ANK3: variants seen among roughly 807,000 people sequenced by gnomAD.
ANK3 encodes the protein ankyrin-3.
Under a neutral mutation model 370.9 loss-of-function variants are expected in ANK3, and 57 were observed. That is an observed-to-expected ratio of 0.15 (90% CI 0.12 to 0.19). The LOEUF (loss-of-function observed/expected upper bound fraction) is 0.19, where lower values mean the gene tolerates loss of function less well. Among genes scored for constraint, ANK3 ranks in the 10% least tolerant of loss-of-function variants. The pLI is 1.00. For synonymous variants in ANK3, 1,929 were observed against 1,946.3 expected (o/e 0.99, Z 0.23); for missense variants, 4,439 against 5,302.1 (o/e 0.84, Z 5.06).
At chr10:60,531,667 TAAC>T (rs2076609774) in intron 2 of ANK3, among the ~76,000 whole-genome samples, 1 of 152,014 alleles carries the variant, frequency 6.6e-6, no homozygotes, top group Admixed American at 6.6e-5. Flanking sequence ...ATAAGGAAAA[TAAC>T]AATAAATAGG....
chr10:60,714,606 C>G (rs535127700), intron 1 of ANK3, among the ~76,000 whole-genome samples: 26 of 152,240 alleles, frequency 1.7e-4, no homozygotes, highest in African/African-American at 6.0e-4. Flanking sequence ...GGATTCATCA[C>G]ATCAAAAGGC....
Position 60,389,422 on chromosome 10 carries a change from T to C in ANK3, c.114+3A>G, listed in dbSNP as rs2062891213. Reference sequence around the variant, plus strand: ...AGATATATGCTCTGGCATACATAGATACCTTTTTCTTCCGATCCCGGGACC... The same window carrying C: ...AGATATATGCTCTGGCATACATAGACACCTTTTTCTTCCGATCCCGGGACC... On this transcript the variant is annotated splice_donor_region_variant and intron_variant, in intron 1 of 43. Coordinates refer to ENST00000280772, the MANE Select transcript of ANK3 (RefSeq NM_020987.5). 6.2e-7 allele frequency: 1 copy of C among 1,613,640 alleles called. No individual in the cohort carries two copies. Among genetic ancestry groups the C allele is most frequent in the Non-Finnish European group, 8.5e-7 (1 of 1,179,748 alleles).
intron 29 of ANK3, among the ~76,000 whole-genome samples, 189 bp downstream of exon 29, chr10:60,087,958 T>C (rs1221456214): frequency 6.6e-6 from 1 of 152,216 alleles, no homozygotes; most frequent in Admixed American, 6.5e-5. Flanking sequence ...CCCTAAAATA[T>C]GTACCTTATT....
chr10:60,468,829 GAT>G (rs1240381965), intron 2 of ANK3, among the ~76,000 whole-genome samples: 3 of 151,340 alleles, frequency 2.0e-5, no homozygotes, highest in Admixed American at 1.3e-4. Flanking sequence ...ATTAATAAAA[GAT>G]AGGGCTAAAA....
intron 43 of ANK3, among the ~76,000 whole-genome samples, chr10:60,034,741 AAG>A (rs1338466248): frequency 6.6e-6 from 1 of 152,068 alleles, no homozygotes; most frequent in African/African-American, 2.4e-5. Flanking sequence ...ACTGAGGACA[AAG>A]AGGTCTTTAC....
chr10:60,691,607 A>C (rs1451591370), intron 1 of ANK3, among the ~76,000 whole-genome samples: 1 of 152,212 alleles, frequency 6.6e-6, no homozygotes, highest in African/African-American at 2.4e-5. Context: ...TGCTGCTCAC[A>C]AAAGGTAAGG....
intron 8 of ANK3, among the ~76,000 whole-genome samples, chr10:60,226,461 AT>A (rs2097146388): frequency 1.7e-5 from 2 of 115,164 alleles, no homozygotes; most frequent in South Asian, 4.9e-4. Flanking sequence ...AATATAGTAT[AT>A]ATACATAGTA....
intron 43 of ANK3, among the ~76,000 whole-genome samples, chr10:60,039,996 A>T (rs1470715399): frequency 2.6e-5 from 4 of 152,248 alleles, no homozygotes; most frequent in Non-Finnish European, 5.9e-5. Flanking sequence ...CCTCATCTGT[A>T]AAAGGTCACA....
intron 2 of ANK3, among the ~76,000 whole-genome samples, chr10:60,486,345 GAGGTGGGT>G (rs920512370): frequency 6.6e-6 from 1 of 152,166 alleles, no homozygotes; most frequent in Non-Finnish European, 1.5e-5. Flanking sequence ...TTGGGAGGCC[GAGGTGGGT>G]GGATCACTTG....
At chr10:60,288,347 G>A (rs1344405663) in intron 1 of ANK3, among the ~76,000 whole-genome samples, 1 of 152,202 alleles carries the variant, frequency 6.6e-6, no homozygotes, top group Non-Finnish European at 1.5e-5. Context: ...ATCCTACAGA[G>A]ATGGATGATA....
intron 1 of ANK3, among the ~76,000 whole-genome samples, chr10:60,686,322 A>C (rs527616200): frequency 1.3e-5 from 2 of 152,292 alleles, no homozygotes; most frequent in African/African-American, 4.8e-5. Flanking sequence ...AAATGTAGCA[A>C]ATTAAAGCCA....
chr10:60,582,805 G>A (rs765174195), intron 2 of ANK3, among the ~76,000 whole-genome samples: 12 of 151,976 alleles, frequency 7.9e-5, no homozygotes, highest in African/African-American at 2.9e-4. Context: ...CTGTGTAGAA[G>A]CTTCTTCGTT....
intron 8 of ANK3, among the ~76,000 whole-genome samples, chr10:60,219,206 C>G (rs111653284): frequency 0.042 from 6,348 of 152,004 alleles, 424 homozygotes; most frequent in African/African-American, 0.14. Flanking sequence ...TTCTTAGCTT[C>G]TTTGTATTGG....
At chr10:60,431,525 G>A (rs1002726492) in intron 2 of ANK3, among the ~76,000 whole-genome samples, 2 of 152,210 alleles carry the variant, frequency 1.3e-5, no homozygotes, top group East Asian at 3.9e-4. Context: ...GACCCCCGAA[G>A]TAAAGTATTT....
At chr10:60,469,663 ATATATATATATATATATG>A (rs1339462877) in intron 2 of ANK3, among the ~76,000 whole-genome samples, 3,397 of 94,506 alleles carry the variant, frequency 0.036, 1,075 homozygotes, top group Non-Finnish European at 0.053. Context: ...ATGGTGGTAT[ATATATATATATATATATG>A]GTGGTATATA....
intron 2 of ANK3, among the ~76,000 whole-genome samples, chr10:60,599,064 G>T (rs991492045): frequency 2.0e-5 from 3 of 152,072 alleles, no homozygotes; most frequent in Admixed American, 1.3e-4. Context: ...GAGTAGCTGG[G>T]ACTACTGGCA....
intron 40 of ANK3, chr10:60,059,697 C>G (rs1050893490): frequency 6.2e-7 from 1 of 1,608,950 alleles, no homozygotes; most frequent in Admixed American, 1.7e-5. Flanking sequence ...AGGATACTCA[C>G]TCAGACATAC....
At chr10:60,586,223 A>G (rs1190392008) in intron 2 of ANK3, among the ~76,000 whole-genome samples, 3 of 152,298 alleles carry the variant, frequency 2.0e-5, no homozygotes, top group South Asian at 2.1e-4. Flanking sequence ...ATGAAAATGG[A>G]TAAGAAAGAA....
At chr10:60,371,974 C>T (rs1176315131) in intron 1 of ANK3, among the ~76,000 whole-genome samples, 1 of 152,076 alleles carries the variant, frequency 6.6e-6, no homozygotes, top group Non-Finnish European at 1.5e-5. Flanking sequence ...AATATAATTT[C>T]TAAGTGTGAG....
Sources: allele counts gnomAD v4.1 joint callset (sites outside exome capture counted in the v4.1 genomes callset), GRCh38; gene constraint gnomAD v4.1.1; transcripts MANE v1.5; gene names NCBI Gene and HGNC (gene_info 2026-07-23, HGNC 2026-07-21).